The following SNRPA variants were observed in gnomAD, a reference collection of about 807,000 sequenced individuals.
SNRPA encodes U1 small nuclear ribonucleoprotein A.
A neutral mutation model predicts 24.5 loss-of-function variants in SNRPA; 10 were observed. That is an observed-to-expected ratio of 0.41 (90% CI 0.25 to 0.69). The LOEUF (loss-of-function observed/expected upper bound fraction) is 0.69, where lower values mean the gene tolerates loss of function less well. SNRPA is among the 30% of genes least tolerant of loss of function. The pLI is 0.33. For synonymous variants in SNRPA, 165 were observed against 148.4 expected, an observed-to-expected ratio of 1.11 and a Z score of -0.81; for missense variants, 283 against 394.7, an observed-to-expected ratio of 0.72 and a Z score of 2.40.
intron 2 of SNRPA, among the ~76,000 whole-genome samples, chr19:40,758,190 C>T (rs904188589): frequency 4.6e-5 from 7 of 151,984 alleles, no homozygotes; most frequent in Admixed American, 4.6e-4. Context: ...TGGTCTCAAA[C>T]TCCTGAGCTC....
At chr19:40,763,414 G>A (rs1322748789) in intron 4 of SNRPA, 173 bp from the exon 5 acceptor site, 7 of 655,678 alleles carry the variant, frequency 1.1e-5, no homozygotes, top group Middle Eastern at 2.5e-4. Flanking sequence ...CCTATAGTCT[G>A]TAGGGGCAAA....
intron 1 of SNRPA, among the ~76,000 whole-genome samples, chr19:40,755,326 G>T (rs2082904628): frequency 7.0e-6 from 1 of 142,330 alleles, no homozygotes; most frequent in Admixed American, 7.3e-5. Flanking sequence ...GGCCAGGCTG[G>T]TCTTGAACTC....
At chr19:40,752,280 T>C (rs1193708779) in intron 1 of SNRPA, among the ~76,000 whole-genome samples, 1 of 151,370 alleles carries the variant, frequency 6.6e-6, no homozygotes, top group Non-Finnish European at 1.5e-5. Context: ...GAGGTTGCAG[T>C]GAGCCGAGAT....
In SNRPA at chr19:40,756,010, GC is replaced by G. The variant is rs548763032; in HGVS notation, c.74-1320del. 4.7e-4 allele frequency among the ~76,000 whole-genome samples: 72 copies of G among 152,256 alleles called. 1 individual carries two copies. Among genetic ancestry groups the G allele is most frequent in the African/African-American group, 1.7e-3 (71 of 41,554 alleles). On this transcript the variant is annotated intron_variant, in intron 1 of 5. Transcript: ENST00000243563. The stretch of plus-strand genomic sequence containing the variant: ...ATTTGATGGGGGTGCGATGACTCAT[GC>G]CTGTAATCCCAGCACTTTGGGGAAG...
intron 1 of SNRPA, among the ~76,000 whole-genome samples, chr19:40,752,998 C>T (rs182730472): frequency 1.7e-4 from 26 of 152,228 alleles, no homozygotes; most frequent in African/African-American, 5.1e-4. Flanking sequence ...AGAAAATTAT[C>T]GGGAGAACCG....
intron 1 of SNRPA, among the ~76,000 whole-genome samples, chr19:40,756,089 A>T (rs908378698): frequency 1.3e-5 from 2 of 152,112 alleles, no homozygotes; most frequent in Non-Finnish European, 2.9e-5. Flanking sequence ...CCTGGCCAAC[A>T]TAGGAGACTG....
chr19:40,762,808 C>T (rs1462916186), intron 3 of SNRPA, 93 bp from the exon 4 acceptor site: 1 of 1,371,364 alleles, frequency 7.3e-7, no homozygotes, highest in Non-Finnish European at 1.0e-6. Context: ...GGTGTTTTTC[C>T]TTACATCTCT....
At chr19:40,754,100 G>GGT in intron 1 of SNRPA, among the ~76,000 whole-genome samples, 1 of 118,004 alleles carries the variant, frequency 8.5e-6, no homozygotes, top group East Asian at 2.7e-4. Context: ...AGCGCCCGGC[G>GGT]TTTTTTTTTT....
At chr19:40,759,070 T>A (rs2082920167) in intron 2 of SNRPA, among the ~76,000 whole-genome samples, 1 of 150,980 alleles carries the variant, frequency 6.6e-6, no homozygotes, top group Admixed American at 6.6e-5. Flanking sequence ...TAGCCAGGCG[T>A]GGTGGTGGGC....
chr19:40,755,080 T>G (rs1163626205), intron 1 of SNRPA, among the ~76,000 whole-genome samples: 1 of 151,832 alleles, frequency 6.6e-6, no homozygotes, highest in Non-Finnish European at 1.5e-5. Flanking sequence ...CTGCTTCAGC[T>G]TAGCTTTTTT....
At chr19:40,761,206 C>G (rs1426969017) in intron 3 of SNRPA, among the ~76,000 whole-genome samples, 1 of 151,340 alleles carries the variant, frequency 6.6e-6, no homozygotes, top group African/African-American at 2.4e-5. Flanking sequence ...ACCAAGGGGA[C>G]AGGATGAAGA....
intron 1 of SNRPA, among the ~76,000 whole-genome samples, chr19:40,753,970 T>A (rs1207141664): frequency 6.6e-6 from 1 of 151,424 alleles, no homozygotes; most frequent in African/African-American, 2.4e-5. Context: ...CCCGGCTAAT[T>A]TTTTGTATAT....
intron 1 of SNRPA, 143 bp from the exon 2 acceptor site, chr19:40,757,189 G>T: frequency 1.4e-6 from 1 of 714,780 alleles, no homozygotes; most frequent in African/African-American, 1.8e-5. Context: ...AGTGGTTCCT[G>T]GCTGCTTCTG....
chr19:40,755,643 T>C (rs2082905823), intron 1 of SNRPA, among the ~76,000 whole-genome samples: 1 of 152,246 alleles, frequency 6.6e-6, no homozygotes, highest in East Asian at 1.9e-4. Context: ...CCCAGAGTGC[T>C]GGGATTACAG....
intron 3 of SNRPA, among the ~76,000 whole-genome samples, chr19:40,761,025 A>T (rs1351961341): frequency 6.6e-6 from 1 of 151,764 alleles, no homozygotes; most frequent in Non-Finnish European, 1.5e-5. Flanking sequence ...GCAGTCGTGC[A>T]ATCTCGGCTC....
intron 3 of SNRPA, among the ~76,000 whole-genome samples, chr19:40,762,245 C>G (rs2082935928): frequency 6.6e-6 from 1 of 151,710 alleles, no homozygotes; most frequent in South Asian, 2.1e-4. Context: ...GAGACAGAGA[C>G]TTACTCTGTT....
chr19:40,757,106 C>G, intron 1 of SNRPA: 1 of 548,152 alleles, frequency 1.8e-6, no homozygotes, highest in Non-Finnish European at 3.3e-6. Flanking sequence ...CATGTATGTG[C>G]ACATGTTCAT....
chr19:40,761,018 G>A (rs796341022), intron 3 of SNRPA, among the ~76,000 whole-genome samples: 110 of 151,842 alleles, frequency 7.2e-4, no homozygotes, highest in African/African-American at 2.6e-3. Flanking sequence ...CTGGAATGCA[G>A]TCGTGCAATC....
Position 40,759,460 on chromosome 19 carries a change from TATC to T in SNRPA, c.279_281del (p.Ile94del), listed in dbSNP as rs1447801912. The T allele has an allele frequency of 3.1e-6, 5 of 1,613,642 alleles. No individual in the cohort carries two copies. Among genetic ancestry groups the T allele is most frequent in the Admixed American group, 1.7e-5 (1 of 59,884 alleles). On this transcript the variant is annotated inframe_deletion, in exon 3 of 6. Transcript: ENST00000243563. Reference sequence around the variant, plus strand: ...TCCAGTATGCCAAGACCGACTCAGATATCATTGCCAAGATGAAAGGCACCTTCG... The same window carrying T: ...TCCAGTATGCCAAGACCGACTCAGATATTGCCAAGATGAAAGGCACCTTCG...
Sources: allele counts gnomAD v4.1 joint callset (sites outside exome capture counted in the v4.1 genomes callset), GRCh38; gene constraint gnomAD v4.1.1; transcripts MANE v1.5; gene names NCBI Gene and HGNC (gene_info 2026-07-23, HGNC 2026-07-21).